CACNB4: variants seen among roughly 807,000 people sequenced by gnomAD.
CACNB4 encodes the protein calcium voltage-gated channel auxiliary subunit beta 4.
CACNB4 carries 32 observed loss-of-function variants against 71.2 expected under a neutral mutation model. The ratio of observed to expected loss-of-function variants is 0.45; its 90% confidence interval spans 0.34 to 0.60. CACNB4 has a LOEUF of 0.60. Ranked by LOEUF, CACNB4 falls within the 20% of genes least tolerant of loss-of-function variation. CACNB4 has a pLI of 0.01. For missense variants in CACNB4, 464 were observed against 647.9 expected, an observed-to-expected ratio of 0.72 and a Z score of 3.08; for synonymous variants, 231 against 236.9, an observed-to-expected ratio of 0.97 and a Z score of 0.23.
At chr2:151,904,310 A>C (rs1239065032) in intron 2 of CACNB4, among the ~76,000 whole-genome samples, 1 of 152,214 alleles carries the variant, frequency 6.6e-6, no homozygotes, top group East Asian at 1.9e-4. Context: ...TCGGCCAATC[A>C]CAATCAAGTA....
chr2:152,090,877 C>A (rs1191389389), intron 2 of CACNB4, among the ~76,000 whole-genome samples: 1 of 151,748 alleles, frequency 6.6e-6, no homozygotes, highest in African/African-American at 2.4e-5. Context: ...GAAGCCCAAT[C>A]TCTACTAAAA....
chr2:151,865,170 C>T (rs543095486), intron 9 of CACNB4, among the ~76,000 whole-genome samples: 1 of 152,308 alleles, frequency 6.6e-6, no homozygotes, highest in South Asian at 2.1e-4. Flanking sequence ...TTGTTGACTG[C>T]AATTAGAAAT....
intron 2 of CACNB4, chr2:151,967,684 T>C (rs79665163): frequency 3.2e-4 from 48 of 151,742 alleles, no homozygotes; most frequent in African/African-American, 1.1e-3. Context: ...TTTTTTTTTT[T>C]CCACAAACTA....
intron 2 of CACNB4, among the ~76,000 whole-genome samples, chr2:152,009,758 C>T (rs1307462208): frequency 2.0e-5 from 3 of 152,206 alleles, no homozygotes; most frequent in South Asian, 2.1e-4. Flanking sequence ...TGAGGAAAGA[C>T]GGTCCACAGC....
chr2:151,874,465 GAA>G (rs539399524), intron 5 of CACNB4, among the ~76,000 whole-genome samples: 4 of 78,742 alleles, frequency 5.1e-5, no homozygotes, highest in Non-Finnish European at 2.8e-5. Context: ...GAGACTCTAA[GAA>G]AAAAAAAAAA....
intron 2 of CACNB4, among the ~76,000 whole-genome samples, chr2:151,964,087 A>AAAAAAAAAT (rs1291914342): frequency 1.3e-5 from 2 of 151,002 alleles, no homozygotes; most frequent in Admixed American, 6.6e-5. Flanking sequence ...AAAAAAAAAA[A>AAAAAAAAAT]AAAGAATGTT....
At chr2:151,934,739 AGGCAAGAGAACTGCTTGAACCC>A (rs1167374763) in intron 2 of CACNB4, among the ~76,000 whole-genome samples, 1 of 152,180 alleles carries the variant, frequency 6.6e-6, no homozygotes, top group Non-Finnish European at 1.5e-5. Context: ...TGGGAGGCTG[AGGCAAGAGAACTGCTTGAACCC>A]GGGAGGCGGA....
chr2:151,920,871 A>G (rs377508126), intron 2 of CACNB4, among the ~76,000 whole-genome samples: 46 of 152,100 alleles, frequency 3.0e-4, no homozygotes, highest in South Asian at 6.2e-4. Flanking sequence ...AGGCACGGTG[A>G]CTCACGCCTG....
chr2:152,083,865 A>G (rs1270833314), intron 2 of CACNB4, among the ~76,000 whole-genome samples: 1 of 152,194 alleles, frequency 6.6e-6, no homozygotes, highest in Non-Finnish European at 1.5e-5. Context: ...CTCTGTCCCA[A>G]GGATCCCATT....
intron 2 of CACNB4, among the ~76,000 whole-genome samples, chr2:152,066,201 C>A (rs1010620080): frequency 2.3e-4 from 35 of 152,182 alleles, no homozygotes; most frequent in Admixed American, 1.9e-3. Context: ...CTGCCTCCCT[C>A]TCCCCCTTCC....
chr2:152,096,205 C>T (rs1427839730), intron 2 of CACNB4, among the ~76,000 whole-genome samples: 5 of 151,882 alleles, frequency 3.3e-5, no homozygotes, highest in African/African-American at 7.3e-5. Context: ...TTAAGTAGCC[C>T]GGGCATGGTG....
intron 2 of CACNB4, among the ~76,000 whole-genome samples, chr2:152,066,877 A>C (rs899483077): frequency 6.2e-5 from 9 of 145,896 alleles, no homozygotes; most frequent in Non-Finnish European, 1.0e-4. Context: ...CATCATTCTC[A>C]GTAAACTACC....
chr2:151,892,279 T>C (rs1354577601), intron 2 of CACNB4, among the ~76,000 whole-genome samples: 2 of 152,082 alleles, frequency 1.3e-5, no homozygotes, highest in Non-Finnish European at 2.9e-5. Flanking sequence ...TGTGGTCTGT[T>C]TTCTTGAGAG....
chr2:151,971,227 G>T (rs2099872454), intron 2 of CACNB4: 1 of 468,680 alleles, frequency 2.1e-6, no homozygotes, highest in South Asian at 2.5e-5. Context: ...TATAATAATG[G>T]TTTACTCTTA....
chr2:152,092,667 A>G (rs1334557932), intron 2 of CACNB4, among the ~76,000 whole-genome samples: 1 of 152,014 alleles, frequency 6.6e-6, no homozygotes, highest in Non-Finnish European at 1.5e-5. Context: ...GCATTTCCAT[A>G]TCATTACACG....
intron 3 of CACNB4, among the ~76,000 whole-genome samples, chr2:151,881,653 A>G (rs1351155417): frequency 6.6e-6 from 1 of 152,228 alleles, no homozygotes; most frequent in African/African-American, 2.4e-5. Context: ...TGTAACAAAA[A>G]TTAGCCACAG....
intron 2 of CACNB4, chr2:151,971,832 C>A: frequency 1.9e-6 from 1 of 529,552 alleles, no homozygotes; most frequent in Non-Finnish European, 3.4e-6. Flanking sequence ...ATACTCTCAA[C>A]TGAGGATTGG....
At chr2:151,974,758 C>T (rs1051740181) in intron 2 of CACNB4, among the ~76,000 whole-genome samples, 3 of 150,642 alleles carry the variant, frequency 2.0e-5, no homozygotes, top group African/African-American at 7.4e-5. Flanking sequence ...AGGACAGGTC[C>T]CACATTGCAG....
intron 2 of CACNB4, among the ~76,000 whole-genome samples, chr2:151,966,885 C>T (rs766354693): frequency 5.3e-5 from 8 of 152,006 alleles, no homozygotes; most frequent in Non-Finnish European, 1.2e-4. Flanking sequence ...CATTAACTAA[C>T]TTAATCTTCA....
Sources: allele counts gnomAD v4.1 joint callset (sites outside exome capture counted in the v4.1 genomes callset), GRCh38; gene constraint gnomAD v4.1.1; transcripts MANE v1.5; gene names NCBI Gene and HGNC (gene_info 2026-07-23, HGNC 2026-07-21).